Variants in RBM19 observed in about 807,000 individuals in gnomAD.
The protein encoded by RBM19 is probable RNA-binding protein 19.
RBM19 carries 94 observed loss-of-function variants against 116.8 expected under a neutral mutation model. The ratio of observed to expected loss-of-function variants is 0.80; its 90% CI spans 0.68 to 0.95. The LOEUF is 0.95. RBM19 is among the 40% of genes least tolerant of loss of function. The pLI is 0.00. For missense variants in RBM19, 1,161 were observed against 1,220.7 expected (o/e 0.95, Z 0.73); for synonymous variants, 475 against 494.1 (o/e 0.96, Z 0.51).
downstream of RBM19, among the ~76,000 whole-genome samples, chr12:113,821,334 T>C (rs967631694): frequency 1.3e-5 from 2 of 152,164 alleles, no homozygotes. Context: ...CAGCCAGCCA[T>C]CCCTGCTGGC....
chr12:113,841,199 A>T (rs1474188528), intron 23 of RBM19, among the ~76,000 whole-genome samples: 2 of 152,186 alleles, frequency 1.3e-5, no homozygotes, highest in African/African-American at 4.8e-5. Context: ...GGGGACAATG[A>T]AACATGCACA....
intron 23 of RBM19, among the ~76,000 whole-genome samples, chr12:113,833,970 T>A (rs561480105): frequency 6.6e-6 from 1 of 152,250 alleles, no homozygotes; most frequent in South Asian, 2.1e-4. Flanking sequence ...GGTCTCAAAC[T>A]CCTAGGCTCA....
At chr12:113,831,303 T>A (rs549784372) in intron 23 of RBM19, among the ~76,000 whole-genome samples, 2 of 152,332 alleles carry the variant, frequency 1.3e-5, no homozygotes, top group South Asian at 4.1e-4. Context: ...ACTACTTTCA[T>A]TTGTGGTCAT....
downstream of RBM19, chr12:113,817,305 C>T (rs2135665368): frequency 6.6e-6 from 1 of 152,418 alleles, no homozygotes; most frequent in South Asian, 2.1e-4. Context: ...GAGTTTCTGT[C>T]TTGTGTCTGG....
chr12:113,869,752 T>TA (rs1879086084), intron 21 of RBM19, among the ~76,000 whole-genome samples: 2 of 152,174 alleles, frequency 1.3e-5, no homozygotes, highest in Admixed American at 1.3e-4. Context: ...CTTGTTATCT[T>TA]AAAAATGGTT....
chr12:113,819,699 T>C (rs1407009899), downstream of RBM19, among the ~76,000 whole-genome samples: 1 of 152,212 alleles, frequency 6.6e-6, no homozygotes, highest in Non-Finnish European at 1.5e-5. Context: ...CTTGCTGCCT[T>C]GGCTCAAAGG....
rs564605232 is a variant in RBM19 at position 113,852,289 on chromosome 12, G to C, written c.2664+6502C>G. Among the ~76,000 whole-genome samples the C allele has an allele frequency of 4.6e-5, 7 of 152,216 alleles. 1 individual carries two copies. In the South Asian group the frequency reaches 1.5e-3, roughly 32 times the overall value. On this transcript the variant is annotated intron_variant, in intron 22 of 23. Coordinates refer to ENST00000261741, the MANE Select transcript of RBM19 (RefSeq NM_016196.4). The stretch of plus-strand genomic sequence containing the variant: ...CCTGGCACTGAGTCTTGGCCACAAG[G>C]GCTGCTCACCTGCCCATCTGAGGAG...
intron 21 of RBM19, among the ~76,000 whole-genome samples, chr12:113,860,806 C>T (rs1239503129): frequency 1.3e-5 from 2 of 152,166 alleles, no homozygotes; most frequent in Non-Finnish European, 2.9e-5. Context: ...CTCAGCTCCG[C>T]AAGAGTCCAG....
At chr12:113,853,265 G>C (rs1297952095) in intron 22 of RBM19, among the ~76,000 whole-genome samples, 1 of 152,212 alleles carries the variant, frequency 6.6e-6, no homozygotes, top group Non-Finnish European at 1.5e-5. Flanking sequence ...GAAAGCTGTG[G>C]TTGTTTACCA....
At chr12:113,847,211 GAA>G (rs1036308664) in intron 22 of RBM19, among the ~76,000 whole-genome samples, 6 of 152,200 alleles carry the variant, frequency 3.9e-5, no homozygotes, top group African/African-American at 1.4e-4. Context: ...AAATGAATCC[GAA>G]GAGACAAAAG....
At chr12:113,928,453 G>C (rs977648897) in intron 16 of RBM19, among the ~76,000 whole-genome samples, 3 of 52,994 alleles carry the variant, frequency 5.7e-5, no homozygotes, top group Non-Finnish European at 1.5e-4. Context: ...CACACACACA[G>C]TGATCACAGG....
intron 21 of RBM19, among the ~76,000 whole-genome samples, chr12:113,895,292 G>C (rs1280049041): frequency 6.6e-6 from 1 of 152,200 alleles, no homozygotes; most frequent in Non-Finnish European, 1.5e-5. Context: ...GGGAGAGAGT[G>C]TGTGTCAGTC....
rs114851153 is a variant in RBM19, at chr12:113,958,431, G to A, written c.572-381C>T. On this transcript the variant is annotated intron_variant, in intron 5 of 23. Coordinates refer to ENST00000261741, the MANE Select transcript of RBM19 (RefSeq NM_016196.4). ...CAGGCTCCTCATCAGGGCTGGCTGC[G>A]TGGGCTTCTTCCACTGTCTCCTCCT... 4.4e-3 allele frequency among the ~76,000 whole-genome samples: 664 copies of A among 152,154 alleles called. 10 individuals are homozygous for A. Among genetic ancestry groups the A allele is most frequent in the African/African-American group, 0.015 (619 of 41,518 alleles).
At chr12:113,958,076 A>G in intron 5 of RBM19, 26 bp from the exon 6 acceptor site, 1 of 1,591,602 alleles carries the variant, frequency 6.3e-7, no homozygotes, top group Non-Finnish European at 8.6e-7. Flanking sequence ...AGCTGGGATC[A>G]GCGACAGCTA....
chr12:113,877,231 C>G (rs761933573), intron 21 of RBM19, among the ~76,000 whole-genome samples: 1 of 152,240 alleles, frequency 6.6e-6, no homozygotes, highest in Non-Finnish European at 1.5e-5. Context: ...CACTGATGAC[C>G]GTGAACCACA....
intron 21 of RBM19, among the ~76,000 whole-genome samples, chr12:113,912,095 G>C (rs1593573170): frequency 6.6e-6 from 1 of 152,208 alleles, no homozygotes; most frequent in South Asian, 2.1e-4. Flanking sequence ...TAAGGGGCTG[G>C]AGTGTGGTGC....
chr12:113,945,844 C>G lies in RBM19; in HGVS notation c.1610G>C (p.Ser537Thr), dbSNP rs1315503587. The stretch of plus-strand genomic sequence containing the variant: ...CTTACTCACGTGGTCAAACACTTGA[C>G]TCTTGGTGGCGTTGTACTTCTGTGC... The part of the protein sequence containing the change: ...AIAQKYNATK[S>T]QVFDHETKGS... The change falls in exon 13 of 24, where the codon AGT becomes ACT. Residue 537 changes from serine (S) to threonine (T), a missense_variant. Ser to Thr is a moderately conservative substitution (Grantham distance 58). Transcript: ENST00000261741. 7 of 1,568,466 alleles carry G rather than the reference C, an allele frequency of 4.5e-6. No individual in the cohort carries two copies. Among genetic ancestry groups the G allele is most frequent in the East Asian group, 2.2e-5 (1 of 44,658 alleles).
chr12:113,874,934 G>A (rs1053099306), intron 21 of RBM19, among the ~76,000 whole-genome samples: 6 of 152,254 alleles, frequency 3.9e-5, no homozygotes, highest in Admixed American at 1.3e-4. Flanking sequence ...ACAGCCATGA[G>A]GGGACCACTT....
At chr12:113,893,056 G>C (rs1881066773) in intron 21 of RBM19, among the ~76,000 whole-genome samples, 1 of 150,556 alleles carries the variant, frequency 6.6e-6, no homozygotes, top group Non-Finnish European at 1.5e-5. Context: ...AAGAGAGATG[G>C]GGTCTTGCTC....
Sources: allele counts gnomAD v4.1 joint callset (sites outside exome capture counted in the v4.1 genomes callset), GRCh38; gene constraint gnomAD v4.1.1; transcripts MANE v1.5; gene names NCBI Gene and HGNC (gene_info 2026-07-23, HGNC 2026-07-21).